Variants in DDX4 observed in about 807,000 individuals in gnomAD.
DDX4 encodes probable ATP-dependent RNA helicase DDX4.
A neutral mutation model predicts 100.0 loss-of-function variants in DDX4; 25 were observed. The ratio of observed to expected loss-of-function variants is 0.25; its 90% CI spans 0.18 to 0.35. The LOEUF is 0.35. Among genes scored for constraint, DDX4 ranks in the 10% least tolerant of loss-of-function variants. The pLI is 1.00. For synonymous variants in DDX4, 259 were observed against 275.7 expected (o/e 0.94, Z 0.60); for missense variants, 635 against 882.4 (o/e 0.72, Z 3.55).
chr5:55,811,689 A>C (rs943342043), intron 18 of DDX4, among the ~76,000 whole-genome samples: 1 of 152,184 alleles, frequency 6.6e-6, no homozygotes, highest in Non-Finnish European at 1.5e-5. Context: ...AGTAACTTCT[A>C]TTTCATAAAG....
chr5:55,778,889 G>A (rs1741733385), intron 7 of DDX4, among the ~76,000 whole-genome samples: 2 of 10,690 alleles, frequency 1.9e-4, no homozygotes, highest in Admixed American at 1.2e-3. Flanking sequence ...GTGAGACTTC[G>A]CCTCAAAAAA....
chr5:55,801,647 T>C (rs1743315922), intron 18 of DDX4, among the ~76,000 whole-genome samples: 1 of 152,124 alleles, frequency 6.6e-6, no homozygotes, highest in Non-Finnish European at 1.5e-5. Context: ...AGAAGTTTGG[T>C]CTTATGTTTG....
intron 18 of DDX4, among the ~76,000 whole-genome samples, chr5:55,804,040 T>C: frequency 6.6e-6 from 1 of 151,566 alleles, no homozygotes; most frequent in South Asian, 2.1e-4. Flanking sequence ...GGTATCTCAT[T>C]GTGGTTTTGA....
chr5:55,778,368 G>A (rs1420654402), intron 7 of DDX4, among the ~76,000 whole-genome samples: 1 of 151,936 alleles, frequency 6.6e-6, no homozygotes, highest in African/African-American at 2.4e-5. Context: ...TGCTAATAGA[G>A]GAAATCTAGT....
chr5:55,778,066 A>T (rs1330832580), intron 7 of DDX4, among the ~76,000 whole-genome samples: 1 of 152,170 alleles, frequency 6.6e-6, no homozygotes, highest in Non-Finnish European at 1.5e-5. Context: ...TCCAGCATGT[A>T]TGGAAAATAT....
In DDX4 at chr5:55,766,016, G is replaced by A. The variant is rs1367428588; in HGVS notation, c.335-1865G>A. Among the ~76,000 whole-genome samples the A allele has an allele frequency of 6.2e-5, 9 of 144,446 alleles. No homozygotes were observed. The East Asian group carries it at 1.0e-3, about 16-fold the overall frequency. The allele number at this position is 144,446 out of a possible 152,430, so 94.8% of individuals were successfully genotyped here. A position where few individuals can be genotyped will look rare whatever the true frequency, so the allele number is the denominator to read the frequency against. On this transcript the variant is annotated intron_variant, in intron 6 of 21. Transcript: ENST00000505374. ...GTATTTTTAGTAGAGACGGGGTTTC[G>A]TCACGTTGGCCAGGCTGGTCTCAAA...
intron 7 of DDX4, among the ~76,000 whole-genome samples, chr5:55,775,696 A>T (rs1052895975): frequency 2.0e-5 from 3 of 151,146 alleles, no homozygotes; most frequent in African/African-American, 4.9e-5. Flanking sequence ...TTTTATACAA[A>T]GGTTAGAGGA....
At position 55,815,061 on chromosome 5, in the gene DDX4, C is replaced by A. The variant is rs778496112; in HGVS notation, c.1876C>A (p.His626Asn). The change falls in exon 20 of 22, where the codon CAT becomes AAT. Residue 626 changes from histidine (H) to asparagine (N), a missense_variant. By Grantham distance (68) the His-to-Asn change is moderately conservative (BLOSUM62 1). Transcript: ENST00000505374. ...TCCTTCTACCATTGATGAATATGTT[C>A]ATCGAATTGGGCGTACTGGTCGTTG... is the stretch of plus-strand genomic sequence containing the variant. ...DLPSTIDEYV[H>N]RIGRTGRCGN... The A allele has an allele frequency of 1.2e-6, 2 of 1,614,122 alleles. No homozygotes were observed. The highest frequency in any genetic ancestry group is 8.5e-7 in the Non-Finnish European group (1 of 1,179,972).
At chr5:55,750,677 C>T (rs536474737) in intron 3 of DDX4, among the ~76,000 whole-genome samples, 170 of 152,216 alleles carry the variant, frequency 1.1e-3, no homozygotes, top group Middle Eastern at 0.01. Context: ...TGACATGAGC[C>T]GGGCAGCATC....
intron 2 of DDX4, among the ~76,000 whole-genome samples, chr5:55,739,309 G>A (rs1758857551): frequency 6.6e-6 from 1 of 152,142 alleles, no homozygotes; most frequent in Admixed American, 6.5e-5. Context: ...AAGCAAACTT[G>A]GGCAAATGTG....
chr5:55,787,794 G>C lies in DDX4; in HGVS notation c.1018-52G>C, dbSNP rs1318108978. On this transcript the variant is annotated intron_variant, in intron 14 of 21. Transcript: ENST00000505374. Reference sequence around the variant, plus strand: ...AGGACATGAGGATTAGCTTTCCATAGGGATAAAAGTGTTGTGCTATAAGTT... The same window carrying C: ...AGGACATGAGGATTAGCTTTCCATACGGATAAAAGTGTTGTGCTATAAGTT... The C allele has an allele frequency of 7.0e-6, 11 of 1,570,284 alleles. No individual in the cohort carries two copies. The Admixed American group carries it at 2.1e-4, about 30-fold the overall frequency.
chr5:55,776,912 G>A (rs958354008), intron 7 of DDX4, among the ~76,000 whole-genome samples: 18 of 152,104 alleles, frequency 1.2e-4, no homozygotes, highest in African/African-American at 4.3e-4. Context: ...TATTAATTTA[G>A]GGGTTCCAGA....
chr5:55,743,868 G>A (rs1185620498), intron 2 of DDX4, among the ~76,000 whole-genome samples: 1 of 142,416 alleles, frequency 7.0e-6, no homozygotes, highest in African/African-American at 2.6e-5. Flanking sequence ...AAGTTTTTCA[G>A]TTCTTTAGTG....
rs1343414629 is a variant in DDX4 at position 55,787,903 on chromosome 5, C to T, written c.1075C>T (p.Arg359Cys). Residue 359 changes from arginine to cysteine, a missense_variant, in exon 15 of 22, where the codon CGT (arginine) becomes TGT (cysteine). Around this residue, in one of 4 missense-constraint regions of DDX4, gnomAD observed 446 missense variants for 540.8 expected, o/e 0.82. Coordinates refer to ENST00000505374, the MANE Select transcript of DDX4 (RefSeq NM_024415.3). Reference sequence around the variant, plus strand: ...GATGCATGATGGAATAACTGCCAGTCGTTTTAAAGAGTTGCAGGAACCAGA... The same window carrying T: ...GATGCATGATGGAATAACTGCCAGTTGTTTTAAAGAGTTGCAGGAACCAGA... ...HMMHDGITAS[R>C]FKELQEPECI... 17 of 1,613,762 alleles carry T rather than the reference C, an allele frequency of 1.1e-5. No individual in the cohort carries two copies. The highest frequency in any genetic ancestry group is 5.5e-5 in the South Asian group (5 of 91,028).
intron 7 of DDX4, 143 bp from the exon 8 acceptor site, chr5:55,779,821 T>G: frequency 7.5e-7 from 1 of 1,326,408 alleles, no homozygotes; most frequent in Non-Finnish European, 9.8e-7. Flanking sequence ...TAGGTCAAAA[T>G]GTCATTTCTT....
intron 3 of DDX4, among the ~76,000 whole-genome samples, chr5:55,756,388 C>G (rs571028622): frequency 2.6e-5 from 4 of 152,280 alleles, no homozygotes; most frequent in African/African-American, 9.6e-5. Flanking sequence ...ACACTGAATT[C>G]TAAGTGTTAG....
chr5:55,815,547 C>G, intron 21 of DDX4, 124 bp downstream of exon 21: 1 of 1,287,176 alleles, frequency 7.8e-7, no homozygotes, highest in Non-Finnish European at 1.0e-6. Context: ...TGGAAGGTAG[C>G]TACTTTATTA....
intron 2 of DDX4, among the ~76,000 whole-genome samples, chr5:55,743,942 CTA>C (rs1293256592): frequency 7.4e-6 from 1 of 136,000 alleles, no homozygotes; most frequent in Admixed American, 7.6e-5. Flanking sequence ...TCTATTCACT[CTA>C]TAGTACTTTG....
At chr5:55,758,453 T>C (rs960280374) in intron 3 of DDX4, among the ~76,000 whole-genome samples, 15 of 152,218 alleles carry the variant, frequency 9.9e-5, no homozygotes, top group African/African-American at 3.4e-4. Flanking sequence ...CCTGGAAGAG[T>C]TGTATGACAG....
Sources: allele counts gnomAD v4.1 joint callset (sites outside exome capture counted in the v4.1 genomes callset), GRCh38; gene constraint gnomAD v4.1.1; regional missense constraint gnomAD v4.1.1; transcripts MANE v1.5; gene names NCBI Gene and HGNC (gene_info 2026-07-23, HGNC 2026-07-21).